SIPA1L2: variants seen among roughly 807,000 people sequenced by gnomAD.
SIPA1L2 encodes signal-induced proliferation-associated 1-like protein 2.
SIPA1L2 carries 56 observed loss-of-function variants against 163.9 expected under a neutral mutation model. The observed-to-expected ratio is 0.34, with a 90% CI of 0.28 to 0.43. The LOEUF is 0.43. Ranked by LOEUF, SIPA1L2 falls within the 20% of genes least tolerant of loss-of-function variation. The pLI is 1.00. For missense variants in SIPA1L2, 1,974 were observed against 2,193.5 expected (o/e 0.90, Z 2.00); for synonymous variants, 877 against 865.7 (o/e 1.01, Z -0.23).
At chr1:232,525,213 T>G (rs1365486518) in intron 2 of SIPA1L2, among the ~76,000 whole-genome samples, 2 of 151,222 alleles carry the variant, frequency 1.3e-5, no homozygotes, top group African/African-American at 4.9e-5. Flanking sequence ...CAACAGAAAT[T>G]TTTGTTAGAA....
intron 19 of SIPA1L2, among the ~76,000 whole-genome samples, chr1:232,408,288 G>GTT (rs56832581): frequency 0.2 from 29,488 of 146,412 alleles, 3,118 homozygotes; most frequent in Admixed American, 0.32. Context: ...ATGAAGGACT[G>GTT]TTTTTTTTTT....
At chr1:232,507,549 A>G (rs1666784795) in intron 3 of SIPA1L2, among the ~76,000 whole-genome samples, 1 of 152,210 alleles carries the variant, frequency 6.6e-6, no homozygotes, top group Admixed American at 6.5e-5. Flanking sequence ...ATAAAGATAA[A>G]TTACTTTTTC....
At chr1:232,481,009 A>G (rs1191650633) in intron 6 of SIPA1L2, among the ~76,000 whole-genome samples, 4 of 152,152 alleles carry the variant, frequency 2.6e-5, no homozygotes, top group African/African-American at 4.8e-5. Flanking sequence ...CATAAAAGGC[A>G]TTTTCATGAA....
At chr1:232,532,957 TGGTACAATG>T (rs915712793) in intron 2 of SIPA1L2, among the ~76,000 whole-genome samples, 2 of 152,192 alleles carry the variant, frequency 1.3e-5, no homozygotes, top group African/African-American at 4.8e-5. Flanking sequence ...CTGCCTTCTG[TGGTACAATG>T]CTCCATAATG....
chr1:232,439,097 G>A lies in SIPA1L2; in HGVS notation c.4031+11C>T. The stretch of plus-strand genomic sequence containing the variant: ...CCAGCAGGTACTACTCTGCAGTGCT[G>A]TGGGGCTTACCTGGAATGAGAGGAT... On this transcript the variant is annotated intron_variant, in intron 15 of 22. Transcript: ENST00000674635. 6.3e-7 allele frequency: 1 copy of A among 1,590,508 alleles called. No individual in the cohort carries two copies. Among genetic ancestry groups the A allele is most frequent in the Non-Finnish European group, 8.6e-7 (1 of 1,168,568 alleles).
intron 16 of SIPA1L2, among the ~76,000 whole-genome samples, 185 bp downstream of exon 16, chr1:232,432,062 T>A (rs1205688080): frequency 2.0e-5 from 3 of 152,244 alleles, no homozygotes; most frequent in African/African-American, 7.2e-5. Flanking sequence ...TTCCTTTTTT[T>A]ATGTAAAAAT....
At chr1:232,594,712 C>G (rs1382674197) in intron 1 of SIPA1L2, among the ~76,000 whole-genome samples, 1 of 152,048 alleles carries the variant, frequency 6.6e-6, no homozygotes, top group Non-Finnish European at 1.5e-5. Flanking sequence ...TCCAGTTCAA[C>G]AACCCTAAAA....
intron 21 of SIPA1L2, 99 bp from the exon 22 acceptor site, chr1:232,402,572 G>C (rs1558148180): frequency 3.3e-6 from 3 of 902,740 alleles, no homozygotes; most frequent in Admixed American, 2.5e-5. Flanking sequence ...TGTGCTTAGA[G>C]CCCAGCAAGC....
rs571243193 is a variant in SIPA1L2 at position 232,553,196 on chromosome 1, C to T, written c.-270+20978G>A. ...AGGTAGAGTGGGAGGATCATCTTCC[C>T]CTGGAGTTTGGCCATCCAGTGGCTG... On this transcript the variant is annotated intron_variant, in intron 2 of 22. Transcript: ENST00000674635. 3.1e-4 allele frequency among the ~76,000 whole-genome samples: 47 copies of T among 152,230 alleles called. No homozygotes were observed. The South Asian group carries it at 9.5e-3, about 31-fold the overall frequency.
chr1:232,541,714 AAAG>A (rs915603102), intron 2 of SIPA1L2, among the ~76,000 whole-genome samples: 12 of 152,218 alleles, frequency 7.9e-5, no homozygotes, highest in African/African-American at 2.9e-4. Flanking sequence ...AGAAAGAATG[AAAG>A]AAGAACATAT....
intron 19 of SIPA1L2, among the ~76,000 whole-genome samples, chr1:232,413,747 G>T (rs1419378465): frequency 1.3e-5 from 2 of 152,204 alleles, no homozygotes. Flanking sequence ...TCTCTTAAGA[G>T]ACAGGCATGA....
intron 12 of SIPA1L2, among the ~76,000 whole-genome samples, 193 bp from the exon 13 acceptor site, chr1:232,442,061 C>G (rs1662933294): frequency 6.6e-6 from 1 of 152,076 alleles, no homozygotes; most frequent in Non-Finnish European, 1.5e-5. Context: ...ATTGTGGGAT[C>G]TGGTTTAACC....
intron 2 of SIPA1L2, among the ~76,000 whole-genome samples, chr1:232,517,902 C>G (rs1477194513): frequency 1.3e-5 from 2 of 152,002 alleles, no homozygotes; most frequent in African/African-American, 4.8e-5. Context: ...TTTTAATTAG[C>G]CCGGCGTGGC....
chr1:232,558,930 A>G (rs1054795517), intron 2 of SIPA1L2, among the ~76,000 whole-genome samples: 30 of 152,364 alleles, frequency 2.0e-4, no homozygotes, highest in Non-Finnish European at 3.8e-4. Context: ...TGGTTTCACC[A>G]GTACTAAATT....
Position 232,519,248 on chromosome 1 carries a change from G to A in SIPA1L2, c.-269-3640C>T, listed in dbSNP as rs555213278. ...TCATACTTCATCTTCTAAGCATCTC[G>A]GCAGCTTCCTCTAGTAGACCCAAGG... On this transcript the variant is annotated intron_variant, in intron 2 of 22. Transcript: ENST00000674635. 2.9e-4 allele frequency among the ~76,000 whole-genome samples: 44 copies of A among 152,244 alleles called. No homozygotes were observed. The South Asian group carries it at 8.1e-3, about 28-fold the overall frequency.
intron 18 of SIPA1L2, among the ~76,000 whole-genome samples, chr1:232,423,783 A>G (rs74144345): frequency 0.059 from 9,034 of 152,282 alleles, 898 homozygotes; most frequent in African/African-American, 0.2. Flanking sequence ...CATCTAGATG[A>G]CGCAATATTA....
At chr1:232,433,939 C>A (rs1475913469) in intron 15 of SIPA1L2, among the ~76,000 whole-genome samples, 2 of 152,154 alleles carry the variant, frequency 1.3e-5, no homozygotes, top group Admixed American at 6.5e-5. Flanking sequence ...AGGATAATAA[C>A]AGTATCTACC....
chr1:232,603,013 CA>C (rs1422154097), intron 1 of SIPA1L2, among the ~76,000 whole-genome samples: 2 of 152,102 alleles, frequency 1.3e-5, no homozygotes, highest in African/African-American at 2.4e-5. Context: ...AAGGCAGGAG[CA>C]GGGGGGATAA....
In SIPA1L2 at chr1:232,500,289, G is replaced by C. The variant is rs147797022; in HGVS notation, c.1484-6629C>G. Among the ~76,000 whole-genome samples the C allele has an allele frequency of 1.1e-3, 175 of 152,316 alleles. 1 individual carries two copies. The highest frequency in any genetic ancestry group is 1.9e-3 in the Non-Finnish European group (132 of 68,032). On this transcript the variant is annotated intron_variant, in intron 3 of 22. Transcript: ENST00000674635. ...CATTCATTCTGTAGCCCATGAATCAGAGTATTTCTGGCTTTTAAGTCTTAT... is the reference window on the plus strand; with the variant it reads ...CATTCATTCTGTAGCCCATGAATCACAGTATTTCTGGCTTTTAAGTCTTAT...
Sources: allele counts gnomAD v4.1 joint callset (sites outside exome capture counted in the v4.1 genomes callset), GRCh38; gene constraint gnomAD v4.1.1; transcripts MANE v1.5; gene names NCBI Gene and HGNC (gene_info 2026-07-23, HGNC 2026-07-21).